The following SEMA3E variants were observed in gnomAD, a reference collection of about 807,000 sequenced individuals.
The protein encoded by SEMA3E is semaphorin 3E.
A neutral mutation model predicts 93.6 loss-of-function variants in SEMA3E; 49 were observed. The observed-to-expected ratio is 0.52, with a 90% CI of 0.42 to 0.66. SEMA3E has a LOEUF of 0.66. Ranked by LOEUF, SEMA3E falls within the 30% of genes least tolerant of loss-of-function variation. The pLI is 0.00. For missense variants in SEMA3E, 906 were observed against 964.8 expected (o/e 0.94, Z 0.81); for synonymous variants, 363 against 330.7 (o/e 1.10, Z -1.06).
intron 4 of SEMA3E, among the ~76,000 whole-genome samples, chr7:83,458,560 G>A (rs1789540988): frequency 6.6e-6 from 1 of 151,868 alleles, no homozygotes; most frequent in Non-Finnish European, 1.5e-5. Context: ...TGAACCGTAT[G>A]TGCAAGCAAA....
At chr7:83,406,479 C>T (rs1220958469) in intron 7 of SEMA3E, among the ~76,000 whole-genome samples, 5 of 151,960 alleles carry the variant, frequency 3.3e-5, no homozygotes, top group South Asian at 4.2e-4. Flanking sequence ...TTGAAATACA[C>T]ACACAACACC....
chr7:83,608,037 C>A (rs954868654), intron 1 of SEMA3E, among the ~76,000 whole-genome samples: 1 of 151,860 alleles, frequency 6.6e-6, no homozygotes, highest in Non-Finnish European at 1.5e-5. Flanking sequence ...ATGGTGAAAC[C>A]GCGTCTCTAC....
intron 2 of SEMA3E, among the ~76,000 whole-genome samples, chr7:83,475,504 A>G (rs1789991144): frequency 6.6e-6 from 1 of 152,026 alleles, no homozygotes. Flanking sequence ...GCCCCCTTAT[A>G]AGATTGGGAG....
intron 1 of SEMA3E, among the ~76,000 whole-genome samples, chr7:83,500,336 T>C (rs2115597242): frequency 6.6e-6 from 1 of 152,106 alleles, no homozygotes; most frequent in African/African-American, 2.4e-5. Context: ...CTAGGGAGGC[T>C]GAGGCAGGAG....
chr7:83,413,592 G>A (rs541291875), intron 5 of SEMA3E, among the ~76,000 whole-genome samples: 1 of 152,234 alleles, frequency 6.6e-6, no homozygotes, highest in African/African-American at 2.4e-5. Context: ...TCAACATCCC[G>A]GTTCACACTC....
chr7:83,428,536 T>C (rs961142474), intron 4 of SEMA3E, among the ~76,000 whole-genome samples: 5 of 152,306 alleles, frequency 3.3e-5, no homozygotes, highest in Non-Finnish European at 7.3e-5. Context: ...TACATGATAA[T>C]GTGTATAACA....
At chr7:83,541,351 C>T (rs1173470469) in intron 1 of SEMA3E, among the ~76,000 whole-genome samples, 1 of 152,116 alleles carries the variant, frequency 6.6e-6, no homozygotes, top group Non-Finnish European at 1.5e-5. Context: ...CTACCACACA[C>T]AGTAGAGGTC....
chr7:83,511,285 GTT>G (rs5885362), intron 1 of SEMA3E, among the ~76,000 whole-genome samples: 17 of 143,912 alleles, frequency 1.2e-4, no homozygotes, highest in African/African-American at 3.3e-4. Context: ...TCTTAAATAT[GTT>G]TTTTTTTTTT....
At chr7:83,388,211 A>C (rs1474584119) in intron 14 of SEMA3E, among the ~76,000 whole-genome samples, 1 of 149,012 alleles carries the variant, frequency 6.7e-6, no homozygotes, top group East Asian at 2.0e-4. Flanking sequence ...CAGGAGACTG[A>C]GACAGGAGAA....
intron 16 of SEMA3E, among the ~76,000 whole-genome samples, chr7:83,384,964 A>G (rs1376026093): frequency 6.6e-6 from 1 of 151,896 alleles, no homozygotes; most frequent in Non-Finnish European, 1.5e-5. Context: ...TCATGATTTA[A>G]GACTATCATT....
chr7:83,386,390 A>T (rs1186969772), intron 15 of SEMA3E, among the ~76,000 whole-genome samples: 1 of 152,140 alleles, frequency 6.6e-6, no homozygotes, highest in Non-Finnish European at 1.5e-5. Context: ...ACCATAATAG[A>T]AAGAGTCAGG....
In SEMA3E at chr7:83,392,601, C is replaced by T; in HGVS notation, c.1621G>A (p.Gly541Ser). 1 of 1,613,802 alleles carries T rather than the reference C, an allele frequency of 6.2e-7. No individual in the cohort carries two copies. The highest frequency in any genetic ancestry group is 1.3e-5 in the African/African-American group (1 of 74,986). Residue 541 changes from glycine (G) to serine (S), a missense_variant, in exon 14 of 17, where the codon GGC becomes AGC. Physicochemically the swap from Gly to Ser is moderately conservative, Grantham distance 56 (BLOSUM62 0). Transcript: ENST00000643230. ...LARDPYCAWD[G>S]ISCSRYYPTG... ...GGGTAATACCGGGAGCAGGATATGC[C>T]ATCCCAGGCACAGTAAGGGTCTCGA...
At chr7:83,418,992 A>G (rs892362893) in intron 4 of SEMA3E, among the ~76,000 whole-genome samples, 3 of 152,092 alleles carry the variant, frequency 2.0e-5, no homozygotes, top group Admixed American at 1.3e-4. Flanking sequence ...TTATCCCATT[A>G]GCCAGGTAGT....
chr7:83,580,395 G>T (rs1387727773), intron 1 of SEMA3E, among the ~76,000 whole-genome samples: 1 of 151,866 alleles, frequency 6.6e-6, no homozygotes, highest in Non-Finnish European at 1.5e-5. Context: ...ATTCTAGATG[G>T]CTTCCTTTCA....
chr7:83,489,963 A>T (rs1237942393), intron 2 of SEMA3E, 151 bp downstream of exon 2: 10 of 729,720 alleles, frequency 1.4e-5, no homozygotes, highest in Non-Finnish European at 2.2e-5. Flanking sequence ...TCATTTCCTC[A>T]AAATGATTTC....
intron 1 of SEMA3E, among the ~76,000 whole-genome samples, chr7:83,641,119 C>A (rs917178050): frequency 2.6e-5 from 4 of 152,176 alleles, no homozygotes; most frequent in African/African-American, 9.6e-5. Flanking sequence ...AAAGCCCCAG[C>A]CTTTTCTCTA....
chr7:83,588,345 C>T (rs551867424), intron 1 of SEMA3E, among the ~76,000 whole-genome samples: 39 of 151,988 alleles, frequency 2.6e-4, no homozygotes, highest in Middle Eastern at 3.4e-3. Flanking sequence ...CGTGCCACTG[C>T]ACTCCAGCCT....
At chr7:83,448,000 A>G (rs970360169) in intron 4 of SEMA3E, among the ~76,000 whole-genome samples, 5 of 152,240 alleles carry the variant, frequency 3.3e-5, no homozygotes, top group African/African-American at 1.2e-4. Context: ...TGGACAAAAT[A>G]TCTATAACAA....
chr7:83,374,206 C>CAAAA (rs71074647), intron 16 of SEMA3E, among the ~76,000 whole-genome samples: 13 of 93,272 alleles, frequency 1.4e-4, no homozygotes, highest in African/African-American at 3.5e-4. Context: ...AACTGCGTCT[C>CAAAA]AAAAAAAAAA....
Sources: gnomAD v4.1 joint callset for allele counts (sites outside exome capture counted in the v4.1 genomes callset) on GRCh38, gnomAD v4.1.1 for gene constraint, MANE v1.5 for transcripts, NCBI Gene and HGNC (gene_info 2026-07-23, HGNC 2026-07-21) for gene names.